DOCK3: variants seen among roughly 807,000 people sequenced by gnomAD.
The protein encoded by DOCK3 is dedicator of cytokinesis 3.
In DOCK3, 60 loss-of-function variants were observed where a neutral mutation model predicts 265.6. The observed-to-expected ratio is 0.23, with a 90% CI of 0.18 to 0.28. The LOEUF (loss-of-function observed/expected upper bound fraction) is 0.28. Ranked by LOEUF, DOCK3 falls within the 10% of genes least tolerant of loss-of-function variation. The probability of loss-of-function intolerance (pLI) is 1.00; values close to 1 mark genes in which losing one functional copy is unlikely to be tolerated. For synonymous variants in DOCK3, 881 were observed against 938.0 expected (o/e 0.94, Z 1.11); for missense variants, 1,981 against 2,594.3 (o/e 0.76, Z 5.14).
chr3:50,728,036 T>A (rs1375609242), intron 1 of DOCK3, among the ~76,000 whole-genome samples: 1 of 152,198 alleles, frequency 6.6e-6, no homozygotes, highest in Non-Finnish European at 1.5e-5. Context: ...CTTACTGACG[T>A]AGATCATATG....
At chr3:50,903,309 A>G (rs938592255) in intron 4 of DOCK3, among the ~76,000 whole-genome samples, 10 of 152,106 alleles carry the variant, frequency 6.6e-5, no homozygotes, top group African/African-American at 2.4e-4. Context: ...GGTTTGTCCT[A>G]TGTGGCTCTT....
chr3:51,346,385 C>T (rs368981359), intron 38 of DOCK3, among the ~76,000 whole-genome samples: 29 of 151,434 alleles, frequency 1.9e-4, no homozygotes, highest in Admixed American at 1.1e-3. Flanking sequence ...TGAGAACATG[C>T]GGTGTTTGGT....
chr3:51,090,340 T>C lies in DOCK3; in HGVS notation c.702T>C (p.Asp234=). 6.2e-7 allele frequency: 1 copy of C among 1,606,266 alleles called. No individual in the cohort carries two copies. The highest frequency in any genetic ancestry group is 8.5e-7 in the Non-Finnish European group (1 of 1,176,250). Residue 234 remains aspartate (D), a synonymous_variant, in exon 9 of 53, where the codon GAT becomes GAC. Coordinates refer to ENST00000266037, the MANE Select transcript of DOCK3 (RefSeq NM_004947.5). ...FTYNTIGEDT[D]VFFSLYDMRE... is the part of the protein sequence containing the mutation. ...ACAATACTATTGGGGAAGATACCGA[T>C]GTCTTCTTTTCCTTATATGACATGA...
intron 5 of DOCK3, among the ~76,000 whole-genome samples, chr3:50,988,581 C>A (rs962277925): frequency 2.0e-5 from 3 of 152,200 alleles, no homozygotes; most frequent in Non-Finnish European, 4.4e-5. Flanking sequence ...CCATTCCTCC[C>A]TACTGGATGG....
intron 12 of DOCK3, among the ~76,000 whole-genome samples, chr3:51,171,362 G>T (rs1250133962): frequency 2.6e-5 from 4 of 152,050 alleles, no homozygotes; most frequent in African/African-American, 9.7e-5. Flanking sequence ...CTGATGTCTG[G>T]TTTCATACCA....
chr3:50,970,413 T>G (rs562127683), intron 5 of DOCK3, among the ~76,000 whole-genome samples: 2 of 152,266 alleles, frequency 1.3e-5, no homozygotes, highest in South Asian at 4.1e-4. Flanking sequence ...TTCTTCTCCA[T>G]TTGGAATATT....
chr3:51,024,453 G>A (rs1250872016), intron 5 of DOCK3, among the ~76,000 whole-genome samples: 1 of 152,180 alleles, frequency 6.6e-6, no homozygotes, highest in Non-Finnish European at 1.5e-5. Context: ...AGAGGTCCCA[G>A]CCTTGATGAA....
At position 51,214,982 on chromosome 3, in the gene DOCK3, C is replaced by T. The variant is rs184697843; in HGVS notation, c.1252+735C>T. Reference sequence around the variant, plus strand: ...ATCAGGAGTGAAGAAAGGGTAGAGGCATGGTTCAGATGGATGTTAGGTGTC... The same window carrying T: ...ATCAGGAGTGAAGAAAGGGTAGAGGTATGGTTCAGATGGATGTTAGGTGTC... On this transcript the variant is annotated intron_variant, in intron 14 of 52. Transcript: ENST00000266037. Among the ~76,000 whole-genome samples, 19 of 152,234 alleles carry T rather than the reference C, an allele frequency of 1.2e-4. No individual in the cohort carries two copies. The South Asian group carries it at 3.5e-3, about 28-fold the overall frequency.
chr3:51,025,501 A>T (rs2079776751), intron 5 of DOCK3, among the ~76,000 whole-genome samples: 1 of 152,174 alleles, frequency 6.6e-6, no homozygotes, highest in African/African-American at 2.4e-5. Flanking sequence ...GCTTCCCCAC[A>T]GAGATAGCAA....
chr3:51,281,874 C>T (rs952806080), intron 27 of DOCK3, among the ~76,000 whole-genome samples: 5 of 152,076 alleles, frequency 3.3e-5, no homozygotes, highest in Admixed American at 3.3e-4. Context: ...TTCCACTTCT[C>T]CTGTGTTGGG....
intron 2 of DOCK3, 87 bp downstream of exon 2, chr3:50,778,845 A>AC: frequency 2.2e-6 from 2 of 910,546 alleles, no homozygotes; most frequent in Non-Finnish European, 3.2e-6. Flanking sequence ...GATTATAAGC[A>AC]ATAATTCTGG....
intron 4 of DOCK3, among the ~76,000 whole-genome samples, chr3:50,901,335 G>A (rs998786354): frequency 6.6e-6 from 1 of 152,120 alleles, no homozygotes; most frequent in East Asian, 1.9e-4. Flanking sequence ...CACCAAGCTC[G>A]AGTGTCCCAG....
At chr3:51,210,751 T>G (rs1393581733) in intron 13 of DOCK3, among the ~76,000 whole-genome samples, 2 of 152,244 alleles carry the variant, frequency 1.3e-5, no homozygotes, top group African/African-American at 2.4e-5. Flanking sequence ...CTATAAACTT[T>G]TACCCATCTT....
intron 4 of DOCK3, chr3:50,900,778 C>A: frequency 2.3e-6 from 1 of 434,254 alleles, no homozygotes. Context: ...CCACTTCAGA[C>A]CCTGCCCCTG....
At chr3:51,265,469 G>A (rs527769064) in intron 23 of DOCK3, among the ~76,000 whole-genome samples, 9 of 152,220 alleles carry the variant, frequency 5.9e-5, no homozygotes, top group East Asian at 1.9e-4. Context: ...CTGGCAAACC[G>A]AATCCAGCAG....
At chr3:51,034,282 T>C (rs13088462) in intron 5 of DOCK3, among the ~76,000 whole-genome samples, 4,981 of 152,204 alleles carry the variant, frequency 0.033, 140 homozygotes, top group Non-Finnish European at 0.05. Flanking sequence ...TTCCTAGCAT[T>C]TCATTAGCTT....
chr3:51,365,208 T>G (rs183163539), intron 49 of DOCK3, among the ~76,000 whole-genome samples: 1 of 152,334 alleles, frequency 6.6e-6, no homozygotes, highest in Non-Finnish European at 1.5e-5. Flanking sequence ...TCACATCCCT[T>G]ATTAGTTGGA....
intron 9 of DOCK3, among the ~76,000 whole-genome samples, chr3:51,096,018 C>A (rs939472037): frequency 2.6e-5 from 4 of 151,360 alleles, no homozygotes; most frequent in Non-Finnish European, 4.4e-5. Flanking sequence ...TTGTGGGTAA[C>A]CCGACCTTTT....
intron 2 of DOCK3, among the ~76,000 whole-genome samples, chr3:50,805,917 G>T (rs2043383363): frequency 6.6e-6 from 1 of 152,156 alleles, no homozygotes; most frequent in South Asian, 2.1e-4. Flanking sequence ...CCTGGTATGT[G>T]CAAGGCTGCT....
Sources: allele counts gnomAD v4.1 joint callset (sites outside exome capture counted in the v4.1 genomes callset), GRCh38; gene constraint gnomAD v4.1.1; transcripts MANE v1.5; gene names NCBI Gene and HGNC (gene_info 2026-07-23, HGNC 2026-07-21).